Variants in TIMM23B observed in about 807,000 individuals in gnomAD.
The protein encoded by TIMM23B is mitochondrial import inner membrane translocase subunit Tim23B.
In TIMM23B, 27 loss-of-function variants were observed where a neutral mutation model predicts 27.3. The ratio of observed to expected loss-of-function variants is 0.99; its 90% CI spans 0.73 to 1.36. TIMM23B has a LOEUF of 1.36. Among genes scored for constraint, TIMM23B ranks in the 40% most tolerant of loss-of-function variants. TIMM23B has a pLI of 0.00. For synonymous variants in TIMM23B, 73 were observed against 92.4 expected (o/e 0.79, Z 1.21); for missense variants, 205 against 244.2 (o/e 0.84, Z 1.07).
intron 6 of TIMM23B, among the ~76,000 whole-genome samples, chr10:49,966,291 AAATG>A (rs1840156053): frequency 1.3e-5 from 2 of 152,162 alleles, no homozygotes; most frequent in Admixed American, 1.3e-4. Flanking sequence ...GAAATGAAGT[AAATG>A]AATAATGAAA....
chr10:49,970,253 A>G (rs1554856248), intron 6 of TIMM23B: 1 of 142,320 alleles, frequency 7.0e-6, no homozygotes, highest in African/African-American at 2.7e-5. Flanking sequence ...CTGGCCGCCC[A>G]TCGTCTGGGA....
intron 6 of TIMM23B, among the ~76,000 whole-genome samples, chr10:49,966,583 T>C (rs1554855478): frequency 1.3e-5 from 2 of 152,042 alleles, no homozygotes; most frequent in Non-Finnish European, 2.9e-5. Context: ...CCTAGCACTT[T>C]GGGAGGCCGA....
chr10:49,969,737 A>G (rs1472543125), intron 6 of TIMM23B, among the ~76,000 whole-genome samples: 13 of 151,916 alleles, frequency 8.6e-5, no homozygotes, highest in Admixed American at 6.6e-4. Flanking sequence ...TTTAAAAAGA[A>G]AATTCTGGCT....
At chr10:49,972,141 C>G (rs2132074345) in intron 6 of TIMM23B, among the ~76,000 whole-genome samples, 1 of 152,278 alleles carries the variant, frequency 6.6e-6, no homozygotes, top group Middle Eastern at 3.4e-3. Flanking sequence ...GACTGGCAGT[C>G]CACTGGCCGA....
In TIMM23B at chr10:49,952,540, C is replaced by G. The variant is rs1197275711; in HGVS notation, c.344+7C>G. The G allele has an allele frequency of 3.7e-6, 6 of 1,612,712 alleles. No homozygotes were observed. The African/African-American group carries it at 5.4e-5, about 14-fold the overall frequency. On this transcript the variant is annotated splice_region_variant and intron_variant, in intron 4 of 6. Transcript: ENST00000651259. ...CCAAACCAGGAAATGTACAGTAAGTCTCTTGTAACCATCTGATGTAGTGAT... is the reference window on the plus strand; with the variant it reads ...CCAAACCAGGAAATGTACAGTAAGTGTCTTGTAACCATCTGATGTAGTGAT...
chr10:49,962,599 T>A (rs1244101623), intron 6 of TIMM23B, among the ~76,000 whole-genome samples: 1 of 152,122 alleles, frequency 6.6e-6, no homozygotes, highest in African/African-American at 2.4e-5. Context: ...GTCTTTTAAC[T>A]CCCACTTCAG....
At chr10:49,970,524 CCTGT>C (rs1273902040) in intron 6 of TIMM23B, 2 of 160,094 alleles carry the variant, frequency 1.2e-5, no homozygotes, top group Admixed American at 6.5e-5. Flanking sequence ...TGGCAGCTGC[CCTGT>C]CTGAGAAGTG....
chr10:49,944,047 A>C (rs1386928394), intron 1 of TIMM23B, among the ~76,000 whole-genome samples: 2 of 152,226 alleles, frequency 1.3e-5, no homozygotes, highest in African/African-American at 4.8e-5. Flanking sequence ...ATGTTTAAGG[A>C]ACAGCTCTTA....
chr10:49,954,960 A>C (rs1326243558), intron 4 of TIMM23B, 42 bp from the exon 5 acceptor site: 3 of 1,609,678 alleles, frequency 1.9e-6, no homozygotes, highest in Non-Finnish European at 2.6e-6. Context: ...CTAGAGAAAT[A>C]ATGATTCTAA....
chr10:49,947,406 G>A (rs1214554857), intron 2 of TIMM23B, among the ~76,000 whole-genome samples: 22 of 151,926 alleles, frequency 1.4e-4, no homozygotes, highest in Non-Finnish European at 3.2e-4. Flanking sequence ...TCAGGAGTTC[G>A]AGACCAGCCT....
chr10:49,967,683 C>T (rs1294351018), intron 6 of TIMM23B, among the ~76,000 whole-genome samples: 2 of 152,106 alleles, frequency 1.3e-5, no homozygotes, highest in Non-Finnish European at 2.9e-5. Flanking sequence ...TGGAGGTGTT[C>T]CAGACTATGT....
chr10:49,948,538 A>C (rs1839423306), intron 2 of TIMM23B, among the ~76,000 whole-genome samples: 1 of 152,240 alleles, frequency 6.6e-6, no homozygotes, highest in Non-Finnish European at 1.5e-5. Context: ...TTTGGTAATA[A>C]AAAAAGAACT....
chr10:49,959,080 T>C (rs1446165933), intron 6 of TIMM23B, among the ~76,000 whole-genome samples: 1 of 152,260 alleles, frequency 6.6e-6, no homozygotes, highest in Non-Finnish European at 1.5e-5. Flanking sequence ...GATGTACAAA[T>C]ATCTCTTCAA....
intron 6 of TIMM23B, among the ~76,000 whole-genome samples, chr10:49,966,779 C>T (rs531609328): frequency 1.2e-4 from 18 of 149,494 alleles, no homozygotes; most frequent in African/African-American, 3.4e-4. Context: ...GAGGCAAGAT[C>T]GCGCCACTGC....
intron 4 of TIMM23B, among the ~76,000 whole-genome samples, chr10:49,952,947 A>G (rs1839586998): frequency 6.6e-6 from 1 of 152,192 alleles, no homozygotes; most frequent in South Asian, 2.1e-4. Flanking sequence ...ATTTAACTTG[A>G]ACTTCTTACT....
At chr10:49,957,255 ATTT>A (rs1219932424) in intron 5 of TIMM23B, among the ~76,000 whole-genome samples, 5 of 134,312 alleles carry the variant, frequency 3.7e-5, no homozygotes, top group African/African-American at 5.9e-5. Context: ...TATTATAAAG[ATTT>A]TTTTTTTTTT....
chr10:49,951,942 G>C (rs1490696907), intron 2 of TIMM23B, among the ~76,000 whole-genome samples, 184 bp from the exon 3 acceptor site: 6 of 152,126 alleles, frequency 3.9e-5, no homozygotes, highest in Non-Finnish European at 8.8e-5. Context: ...ACTGTGTTTC[G>C]TATTTCATTT....
rs1236371261 is a variant in TIMM23B, at chr10:49,973,640, G to C, written c.*576G>C. On this transcript the variant is annotated 3_prime_UTR_variant, in exon 7 of 7. Transcript: ENST00000651259. The stretch of plus-strand genomic sequence containing the variant: ...TGCAGTGAGCTATGATCCTAACACT[G>C]CTCTCCAGCCTGGGTGACACACCAA... 6.6e-6 allele frequency: 1 copy of C among 151,520 alleles called. No individual in the cohort carries two copies. The highest frequency in any genetic ancestry group is 2.4e-5 in the African/African-American group (1 of 40,864). 9.4% of individuals were successfully genotyped at this position (151,520 alleles called of 1,614,324 possible). A position where few individuals can be genotyped will look rare whatever the true frequency, so the allele number is the denominator to read the frequency against.
Position 49,951,387 on chromosome 10 carries a change from AGT to A in TIMM23B, c.166-735_166-734del, listed in dbSNP as rs1313402221. ...TTGGATGGAAAGCGTGCCAAAAATG[AGT>A]GTGATTTTTTTTTTTTTAATCCAAC... On this transcript the variant is annotated intron_variant, in intron 2 of 6. Transcript: ENST00000651259. Among the ~76,000 whole-genome samples the A allele has an allele frequency of 4.0e-5, 6 of 151,734 alleles. No homozygotes were observed. In the East Asian group the frequency reaches 9.7e-4, roughly 25 times the overall value.
Sources: gnomAD v4.1 joint callset for allele counts (sites outside exome capture counted in the v4.1 genomes callset) on GRCh38, gnomAD v4.1.1 for gene constraint, MANE v1.5 for transcripts, NCBI Gene and HGNC (gene_info 2026-07-23, HGNC 2026-07-21) for gene names.